GTPBP3: variants seen among roughly 807,000 people sequenced by gnomAD.
GTPBP3 encodes the protein GTP binding protein 3, mitochondrial.
GTPBP3 carries 35 observed loss-of-function variants against 42.0 expected under a neutral mutation model. The observed-to-expected ratio is 0.83, with a 90% confidence interval of 0.64 to 1.10. The LOEUF (loss-of-function observed/expected upper bound fraction) is 1.10. Ranked by LOEUF, GTPBP3 falls within the 50% of genes least tolerant of loss-of-function variation. GTPBP3 has a pLI of 0.00. For missense variants in GTPBP3, 691 were observed against 685.2 expected (o/e 1.01, Z -0.09); for synonymous variants, 332 against 314.9 (o/e 1.05, Z -0.58).
At chr19:17,338,324 A>G (rs758920283) in intron 2 of GTPBP3, 41 bp from the exon 3 acceptor site, 3 of 1,611,486 alleles carry the variant, frequency 1.9e-6, no homozygotes, top group Non-Finnish European at 1.7e-6. Context: ...AAGGGTTTGC[A>G]CTGGCTGTGC....
At chr19:17,339,377 C>A in intron 6 of GTPBP3, 57 bp from the exon 7 acceptor site, 3 of 1,598,272 alleles carry the variant, frequency 1.9e-6, no homozygotes, top group Non-Finnish European at 2.6e-6. Flanking sequence ...TGGGGTAGAA[C>A]CTGGGGGAGG....
chr19:17,337,657 C>T lies in GTPBP3; in HGVS notation c.46C>T (p.Pro16Ser). The T allele has an allele frequency of 7.5e-7, 1 of 1,334,650 alleles. No individual in the cohort carries two copies. 82.7% of individuals were successfully genotyped at this position (1,334,650 alleles called of 1,614,324 possible). The stretch of plus-strand genomic sequence containing the variant: ...CCTGGCGGCCCAAGCGGCACGTGGG[C>T]CTCGCAGGTGGGGCTACAGGGGAAG... The part of the protein sequence containing the change: ...WTLAAQAARG[P>S]RRLCTRRSSG... The change falls in exon 1 of 9, where the codon CCT becomes TCT. Residue 16 changes from proline (P) to serine (S), a missense_variant. Pro to Ser is a moderately conservative substitution (Grantham distance 74). Coordinates refer to ENST00000324894, the MANE Select transcript of GTPBP3 (RefSeq NM_032620.4).
At chr19:17,340,285 C>A (rs2145704584) in intron 7 of GTPBP3, among the ~76,000 whole-genome samples, 1 of 152,208 alleles carries the variant, frequency 6.6e-6, no homozygotes, top group African/African-American at 2.4e-5. Context: ...GACCCGCCTG[C>A]CTCGGCCTCC....
rs1223137296 is a variant in GTPBP3, at chr19:17,338,565, G to A, written c.415G>A (p.Glu139Lys). 6.2e-7 allele frequency: 1 copy of A among 1,613,966 alleles called. No individual in the cohort carries two copies. Among genetic ancestry groups the A allele is most frequent in the Non-Finnish European group, 8.5e-7 (1 of 1,179,888 alleles). ...CAGCGTGCCAGGGCTTCGACCGGCG[G>A]AGGCAGGCGAGTTCACCAGACGGGC... Reference protein sequence around the residue: ...LGSVPGLRPAEAGEFTRRAFA... With the variant: ...LGSVPGLRPAKAGEFTRRAFA... Residue 139 changes from glutamate to lysine, a missense_variant, in exon 4 of 9, where the codon GAG becomes AAG. Glu to Lys is a moderately conservative substitution (Grantham distance 56). Coordinates refer to ENST00000324894, the MANE Select transcript of GTPBP3 (RefSeq NM_032620.4).
Position 17,341,599 on chromosome 19 carries a change from G to C in GTPBP3, c.1375G>C (p.Glu459Gln). ...GTCAAAAGACCTGGCCCTGGCGGCA[G>C]AGGCGCTGCGGGTGGCCCGGGGTCA... Reference protein sequence around the residue: ...KQSKDLALAAEALRVARGHLT... With the variant: ...KQSKDLALAAQALRVARGHLT... Residue 459 changes from glutamate (E) to glutamine (Q), a missense_variant, in exon 9 of 9, where the codon GAG becomes CAG. Glu to Gln is a conservative substitution (Grantham distance 29, BLOSUM62 2). Transcript: ENST00000324894. The C allele has an allele frequency of 6.2e-7, 1 of 1,613,912 alleles. No homozygotes were observed. Among genetic ancestry groups the C allele is most frequent in the Non-Finnish European group, 8.5e-7 (1 of 1,179,972 alleles).
intron 7 of GTPBP3, among the ~76,000 whole-genome samples, chr19:17,340,445 C>A (rs1423792726): frequency 6.6e-6 from 1 of 151,874 alleles, no homozygotes; most frequent in African/African-American, 2.4e-5. Flanking sequence ...GTGCTCTGTC[C>A]CGCCCTGGCA....
rs145604804 is a variant in GTPBP3 at position 17,341,619 on chromosome 19, G to A, written c.1395G>A (p.Arg465=). Residue 465 remains arginine, a synonymous_variant, in exon 9 of 9, where the codon CGG becomes CGA. Transcript: ENST00000324894. ...ALAAEALRVA[R]GHLTRLTGGG... is the part of the protein sequence containing the mutation. Reference sequence around the variant, plus strand: ...CGGCAGAGGCGCTGCGGGTGGCCCGGGGTCACCTGACCCGGCTCACAGGTG... The same window carrying A: ...CGGCAGAGGCGCTGCGGGTGGCCCGAGGTCACCTGACCCGGCTCACAGGTG... 3.1e-6 allele frequency: 5 copies of A among 1,613,606 alleles called. No homozygotes were observed. The African/African-American group carries it at 6.7e-5, about 22-fold the overall frequency.
At chr19:17,337,840 A>AC (rs1027804872) in intron 1 of GTPBP3, 168 bp from the exon 2 acceptor site, 2 of 1,188,646 alleles carry the variant, frequency 1.7e-6, no homozygotes, top group African/African-American at 3.1e-5. Flanking sequence ...TTCTGGCCTC[A>AC]CAGTCCCTAA....
Position 17,339,280 on chromosome 19 carries a change from G to T in GTPBP3, c.808+14G>T, listed in dbSNP as rs764017367. 6.3e-7 allele frequency: 1 copy of T among 1,593,688 alleles called. No individual in the cohort carries two copies. The highest frequency in any genetic ancestry group is 1.1e-5 in the South Asian group (1 of 89,388). Reference sequence around the variant, plus strand: ...TGAACCTGCTCAGTGAGTAGGCGGCGGGAAGGGGGCGGGGCCTAGTGCCAG... The same window carrying T: ...TGAACCTGCTCAGTGAGTAGGCGGCTGGAAGGGGGCGGGGCCTAGTGCCAG... On this transcript the variant is annotated intron_variant, in intron 6 of 8. Coordinates refer to ENST00000324894, the MANE Select transcript of GTPBP3 (RefSeq NM_032620.4).
At chr19:17,339,898 G>A (rs569910518) in intron 7 of GTPBP3, among the ~76,000 whole-genome samples, 3 of 142,416 alleles carry the variant, frequency 2.1e-5, no homozygotes, top group Admixed American at 1.4e-4. Context: ...AGGCGGGAGC[G>A]ACCACGCCGA....
Position 17,338,354 on chromosome 19 carries a change from T to G in GTPBP3, c.302-11T>G. The G allele has an allele frequency of 1.9e-6, 3 of 1,613,872 alleles. No homozygotes were observed. The highest frequency in any genetic ancestry group is 2.5e-6 in the Non-Finnish European group (3 of 1,179,860). On this transcript the variant is annotated splice_polypyrimidine_tract_variant and intron_variant, in intron 2 of 8. Transcript: ENST00000324894. The stretch of plus-strand genomic sequence containing the variant: ...CTGTGCTGTCCTCCTGTCACCTGTC[T>G]GTCACATTAGGTCCCCAGAGTTTCA...
chr19:17,340,866 C>G (rs1384425597), intron 7 of GTPBP3, 178 bp from the exon 8 acceptor site: 4 of 622,188 alleles, frequency 6.4e-6, no homozygotes, highest in Non-Finnish European at 1.1e-5. Context: ...TGCCCCACCC[C>G]CTGTGCTCGG....
Position 17,338,604 on chromosome 19 carries a change from A to C in GTPBP3, c.454A>C (p.Lys152Gln). Residue 152 changes from lysine (K) to glutamine (Q), a missense_variant, in exon 4 of 9, where the codon AAG (lysine) becomes CAG (glutamine). Coordinates refer to ENST00000324894, the MANE Select transcript of GTPBP3 (RefSeq NM_032620.4). Reference sequence around the variant, plus strand: ...CACCAGACGGGCGTTCGCCAATGGGAAGCTGAACCTGACCGAAGTGGAGGG... The same window carrying C: ...CACCAGACGGGCGTTCGCCAATGGGCAGCTGAACCTGACCGAAGTGGAGGG... ...EFTRRAFANG[K>Q]LNLTEVEGLA... The C allele has an allele frequency of 6.2e-7, 1 of 1,614,040 alleles. No homozygotes were observed. The highest frequency in any genetic ancestry group is 8.5e-7 in the Non-Finnish European group (1 of 1,179,960).
At chr19:17,340,387 T>C (rs1247733711) in intron 7 of GTPBP3, among the ~76,000 whole-genome samples, 1 of 151,942 alleles carries the variant, frequency 6.6e-6, no homozygotes, top group Non-Finnish European at 1.5e-5. Context: ...GACATGTTTC[T>C]CATCCCTAAG....
upstream of GTPBP3, among the ~76,000 whole-genome samples, chr19:17,336,252 A>ATAAT (rs1294329287): frequency 2.0e-5 from 3 of 149,084 alleles, no homozygotes; most frequent in Admixed American, 6.7e-5. Flanking sequence ...AAAAAAAAAA[A>ATAAT]AAAAAAAAAG....
At chr19:17,339,759 T>A (rs1240997382) in intron 7 of GTPBP3, among the ~76,000 whole-genome samples, 160 bp downstream of exon 7, 3 of 98,698 alleles carry the variant, frequency 3.0e-5, no homozygotes, top group Non-Finnish European at 6.7e-5. Context: ...TTTTTTTTTT[T>A]ACTCCGAGAC....
intron 6 of GTPBP3, 77 bp downstream of exon 6, chr19:17,339,343 C>G (rs1015617900): frequency 2.5e-6 from 4 of 1,580,624 alleles, no homozygotes; most frequent in Non-Finnish European, 2.6e-6. Flanking sequence ...GTTAGTTGTT[C>G]AGGTCTAAAG....
At chr19:17,337,543 G>T (rs973532063), upstream of GTPBP3, 3 of 1,292,358 alleles carry the variant, frequency 2.3e-6, no homozygotes, top group Non-Finnish European at 3.0e-6. Flanking sequence ...CGCGGAGTGG[G>T]CGGGGCCCCC....
upstream of GTPBP3, among the ~76,000 whole-genome samples, chr19:17,335,764 G>A (rs2074361474): frequency 6.7e-6 from 1 of 150,362 alleles, no homozygotes; most frequent in South Asian, 2.1e-4. Flanking sequence ...GTAGGAACGA[G>A]GGGCCAGGTC....
Sources: allele counts gnomAD v4.1 joint callset (sites outside exome capture counted in the v4.1 genomes callset), GRCh38; gene constraint gnomAD v4.1.1; transcripts MANE v1.5; gene names NCBI Gene and HGNC (gene_info 2026-07-23, HGNC 2026-07-21).